BRINP1: variants seen among roughly 807,000 people sequenced by gnomAD.
BRINP1 encodes BMP/retinoic acid inducible neural specific 1, also known as BMP/retinoic acid-inducible neural-specific protein 1.
Under a neutral mutation model 72.9 loss-of-function variants are expected in BRINP1, and 17 were observed. The observed-to-expected ratio is 0.23, with a 90% CI of 0.16 to 0.35. The LOEUF is 0.35. Ranked by LOEUF, BRINP1 falls within the 10% of genes least tolerant of loss-of-function variation. BRINP1 has a pLI of 1.00. For synonymous variants in BRINP1, 418 were observed against 378.5 expected (o/e 1.10, Z -1.21); for missense variants, 850 against 1,001.6 (o/e 0.85, Z 2.04).
chr9:119,184,574 CCACTCCA>C (rs1829596156), intron 7 of BRINP1, among the ~76,000 whole-genome samples: 1 of 152,138 alleles, frequency 6.6e-6, no homozygotes, highest in South Asian at 2.1e-4. Context: ...CCCCTGCTCC[CCACTCCA>C]CACATGCATG....
At chr9:119,272,091 C>CAA (rs59092561) in intron 2 of BRINP1, among the ~76,000 whole-genome samples, 11 of 119,484 alleles carry the variant, frequency 9.2e-5, no homozygotes, top group African/African-American at 3.3e-4. Context: ...TTTTTTGAGA[C>CAA]AAAAAAAAAA....
At chr9:119,197,299 G>A (rs1001096374) in intron 7 of BRINP1, among the ~76,000 whole-genome samples, 33 of 152,080 alleles carry the variant, frequency 2.2e-4, no homozygotes, top group Non-Finnish European at 5.9e-5. Flanking sequence ...TCCCCAGCAG[G>A]AATGCATTTC....
At chr9:119,341,805 G>A (rs975594827) in intron 1 of BRINP1, among the ~76,000 whole-genome samples, 10 of 152,062 alleles carry the variant, frequency 6.6e-5, no homozygotes, top group African/African-American at 2.2e-4. Context: ...ACTCTATCAC[G>A]TATGTTGGAG....
intron 4 of BRINP1, among the ~76,000 whole-genome samples, chr9:119,239,965 A>G (rs1374053994): frequency 6.6e-6 from 1 of 152,066 alleles, no homozygotes; most frequent in African/African-American, 2.4e-5. Context: ...CGCCCGGGTT[A>G]GTGGCTGGTC....
chr9:119,201,465 T>TAA (rs779860128), intron 7 of BRINP1, among the ~76,000 whole-genome samples: 100 of 152,184 alleles, frequency 6.6e-4, no homozygotes, highest in Non-Finnish European at 1.3e-3. Flanking sequence ...AAAATTACCT[T>TAA]ATGTTCTTGA....
chr9:119,344,233 T>G (rs1831430582), intron 1 of BRINP1, among the ~76,000 whole-genome samples: 1 of 152,218 alleles, frequency 6.6e-6, no homozygotes, highest in African/African-American at 2.4e-5. Context: ...GCAGGGAGAA[T>G]TATTTGGGAC....
At chr9:119,321,692 C>A (rs1286097102) in intron 1 of BRINP1, among the ~76,000 whole-genome samples, 1 of 151,574 alleles carries the variant, frequency 6.6e-6, no homozygotes, top group East Asian at 2.0e-4. Context: ...GAGGCTCAAG[C>A]CATCCTCCCC....
chr9:119,358,943 A>C (rs992392591), intron 1 of BRINP1, among the ~76,000 whole-genome samples: 2 of 152,212 alleles, frequency 1.3e-5, no homozygotes, highest in Non-Finnish European at 2.9e-5. Context: ...AGGTTAGTAG[A>C]AATAATTGAG....
chr9:119,345,323 A>C (rs928438150), intron 1 of BRINP1, among the ~76,000 whole-genome samples: 1 of 152,132 alleles, frequency 6.6e-6, no homozygotes, highest in East Asian at 1.9e-4. Context: ...CATGGTAACA[A>C]ATTTCTTGGG....
chr9:119,219,132 G>C (rs1830013440), intron 5 of BRINP1, among the ~76,000 whole-genome samples: 1 of 152,096 alleles, frequency 6.6e-6, no homozygotes, highest in African/African-American at 2.4e-5. Context: ...ATCCAGACCT[G>C]TGACAAATAA....
At chr9:119,233,022 CTT>C (rs113144460) in intron 5 of BRINP1, among the ~76,000 whole-genome samples, 1 of 147,516 alleles carries the variant, frequency 6.8e-6, no homozygotes, top group Admixed American at 6.8e-5. Flanking sequence ...CCTGTTCTTT[CTT>C]TTTTTTTTTC....
chr9:119,226,139 G>A (rs1830090133), intron 5 of BRINP1, among the ~76,000 whole-genome samples: 1 of 152,012 alleles, frequency 6.6e-6, no homozygotes, highest in Non-Finnish European at 1.5e-5. Flanking sequence ...CATTAAAAAT[G>A]CTTTGTTGAC....
chr9:119,274,593 CT>C (rs2118954976), intron 2 of BRINP1, among the ~76,000 whole-genome samples: 2 of 152,248 alleles, frequency 1.3e-5, no homozygotes, highest in African/African-American at 4.8e-5. Flanking sequence ...CTGGGAAAGT[CT>C]CTCTAACTTG....
chr9:119,179,938 C>T (rs1264143630), intron 7 of BRINP1, among the ~76,000 whole-genome samples: 1 of 152,200 alleles, frequency 6.6e-6, no homozygotes, highest in African/African-American at 2.4e-5. Flanking sequence ...CATGGAGTCG[C>T]TCATCATTTC....
intron 7 of BRINP1, among the ~76,000 whole-genome samples, chr9:119,176,925 T>C (rs1181198741): frequency 6.6e-6 from 1 of 152,108 alleles, no homozygotes; most frequent in East Asian, 1.9e-4. Context: ...CCCTCTCCTT[T>C]TTAAATCCAC....
At chr9:119,242,493 C>G (rs1044800353) in intron 3 of BRINP1, among the ~76,000 whole-genome samples, 1 of 152,216 alleles carries the variant, frequency 6.6e-6, no homozygotes, top group Non-Finnish European at 1.5e-5. Flanking sequence ...CATCTTATAA[C>G]AAAACCCTCT....
chr9:119,342,340 A>C (rs1483103994), intron 1 of BRINP1, among the ~76,000 whole-genome samples: 2 of 152,212 alleles, frequency 1.3e-5, no homozygotes, highest in African/African-American at 4.8e-5. Context: ...TTGAAAAGAC[A>C]ATAGAAACTG....
At chr9:119,355,183 C>A (rs901530923) in intron 1 of BRINP1, among the ~76,000 whole-genome samples, 2 of 152,094 alleles carry the variant, frequency 1.3e-5, no homozygotes, top group Non-Finnish European at 2.9e-5. Flanking sequence ...TCACTACAAC[C>A]CGTCACCCAA....
chr9:119,207,700 T>A (rs1829873098), intron 7 of BRINP1, among the ~76,000 whole-genome samples: 1 of 152,214 alleles, frequency 6.6e-6, no homozygotes, highest in South Asian at 2.1e-4. Context: ...CATTTCCAGA[T>A]TTGTACAACA....
Sources: gnomAD v4.1 joint callset for allele counts (sites outside exome capture counted in the v4.1 genomes callset) on GRCh38, gnomAD v4.1.1 for gene constraint, MANE v1.5 for transcripts, NCBI Gene and HGNC (gene_info 2026-07-23, HGNC 2026-07-21) for gene names.